ST6GALNAC3: variants seen among roughly 807,000 people sequenced by gnomAD.
The protein encoded by ST6GALNAC3 is ST6 N-acetylgalactosaminide alpha-2,6-sialyltransferase 3, also known as alpha-N-acetylgalactosaminide alpha-2,6-sialyltransferase 3.
In ST6GALNAC3, 25 loss-of-function variants were observed where a neutral mutation model predicts 32.7. The ratio of observed to expected loss-of-function variants is 0.76; its 90% CI spans 0.56 to 1.07. The LOEUF (loss-of-function observed/expected upper bound fraction) is 1.07. Among genes scored for constraint, ST6GALNAC3 ranks in the 50% least tolerant of loss-of-function variants. The probability of loss-of-function intolerance (pLI) is 0.00; values close to 1 mark genes in which losing one functional copy is unlikely to be tolerated. For missense variants in ST6GALNAC3, 355 were observed against 382.4 expected (o/e 0.93, Z 0.60); for synonymous variants, 129 against 133.1 (o/e 0.97, Z 0.21).
chr1:76,508,539 C>T (rs1030758222), intron 3 of ST6GALNAC3, among the ~76,000 whole-genome samples: 6 of 152,114 alleles, frequency 3.9e-5, no homozygotes, highest in Admixed American at 1.3e-4. Flanking sequence ...GTTTGAAGTT[C>T]GGCACCTGGG....
In ST6GALNAC3 at chr1:76,411,179, C is replaced by T. The variant is rs548812015; in HGVS notation, c.214-829C>T. 4.6e-5 allele frequency among the ~76,000 whole-genome samples: 7 copies of T among 152,220 alleles called. No homozygotes were observed. The South Asian group carries it at 6.2e-4, about 14-fold the overall frequency. ...TAGGAGAACTGAAAGCAAGGAATAA[C>T]GGAAAGGGCAGTGGGCTTAGAGTTA... On this transcript the variant is annotated intron_variant, in intron 2 of 4. Coordinates refer to ENST00000328299, the MANE Select transcript of ST6GALNAC3 (RefSeq NM_152996.4).
intron 3 of ST6GALNAC3, among the ~76,000 whole-genome samples, chr1:76,516,547 A>G (rs1302152239): frequency 6.6e-6 from 1 of 152,288 alleles, no homozygotes; most frequent in East Asian, 1.9e-4. Context: ...TGCATTTTAT[A>G]TTTTGATAGC....
chr1:76,193,071 T>C (rs1557686119), intron 1 of ST6GALNAC3, among the ~76,000 whole-genome samples: 2 of 152,190 alleles, frequency 1.3e-5, no homozygotes, highest in Admixed American at 6.5e-5. Context: ...ATATAAAAAC[T>C]AGAAACAAGC....
intron 3 of ST6GALNAC3, among the ~76,000 whole-genome samples, chr1:76,418,327 G>A (rs903898468): frequency 4.6e-5 from 7 of 152,058 alleles, no homozygotes; most frequent in Non-Finnish European, 7.4e-5. Context: ...CCTCTTGTAG[G>A]TCCCTCTGTC....
At chr1:76,428,624 G>A (rs1293579201) in intron 3 of ST6GALNAC3, among the ~76,000 whole-genome samples, 1 of 151,988 alleles carries the variant, frequency 6.6e-6, no homozygotes, top group Non-Finnish European at 1.5e-5. Context: ...CTTGGTCTCT[G>A]TGGACAGATT....
rs1570489494 is a variant in ST6GALNAC3 at position 76,629,040 on chromosome 1, C to T, written c.*234C>T. 1.6e-6 allele frequency: 2 copies of T among 1,272,718 alleles called. No individual in the cohort carries two copies. The highest frequency in any genetic ancestry group is 3.0e-4 in the Middle Eastern group (1 of 3,328). 78.8% of individuals were successfully genotyped at this position (1,272,718 alleles called of 1,614,324 possible). The stretch of plus-strand genomic sequence containing the variant: ...TGGAGGTTCAACACTACGTACCGCA[C>T]TTTATAATTTAACTGGAATTGAGAT... On this transcript the variant is annotated 3_prime_UTR_variant, in exon 5 of 5. Coordinates refer to ENST00000328299, the MANE Select transcript of ST6GALNAC3 (RefSeq NM_152996.4).
At chr1:76,123,182 G>A (rs56077995) in intron 1 of ST6GALNAC3, among the ~76,000 whole-genome samples, 9,674 of 152,096 alleles carry the variant, frequency 0.064, 1,044 homozygotes, top group African/African-American at 0.22. Context: ...GACCAGCCTG[G>A]CCAACAGGGT....
In ST6GALNAC3 at chr1:76,348,037, G is replaced by T. The variant is rs143387682; in HGVS notation, c.213+34038G>T. Among the ~76,000 whole-genome samples, 464 of 152,248 alleles carry T rather than the reference G, an allele frequency of 3.0e-3. 3 individuals are homozygous for T. Among genetic ancestry groups the T allele is most frequent in the African/African-American group, 0.01 (427 of 41,544 alleles). On this transcript the variant is annotated intron_variant, in intron 2 of 4. Transcript: ENST00000328299. ...TCCTCAGCAAACTCCGGTAGTAATTGCATAATACGACAACTGTTTTTCGTA... is the reference window on the plus strand; with the variant it reads ...TCCTCAGCAAACTCCGGTAGTAATTTCATAATACGACAACTGTTTTTCGTA...
At chr1:76,409,825 A>G (rs1213125470) in intron 2 of ST6GALNAC3, among the ~76,000 whole-genome samples, 1 of 152,144 alleles carries the variant, frequency 6.6e-6, no homozygotes, top group African/African-American at 2.4e-5. Context: ...GAATTTTTTA[A>G]ATCATTTTGT....
intron 2 of ST6GALNAC3, among the ~76,000 whole-genome samples, chr1:76,322,011 G>A (rs182344803): frequency 4.6e-5 from 7 of 152,128 alleles, no homozygotes; most frequent in Admixed American, 2.0e-4. Flanking sequence ...AAGATATACC[G>A]CAGTTTTATT....
intron 2 of ST6GALNAC3, among the ~76,000 whole-genome samples, chr1:76,341,605 T>TCTTCTTTCTTTCTTTCTTTC (rs1647975802): frequency 1.1e-5 from 1 of 91,186 alleles, no homozygotes; most frequent in Non-Finnish European, 2.2e-5. Context: ...TCCAAACTGC[T>TCTTCTTTCTTTCTTTCTTTC]TTTCTTTCTT....
At chr1:76,077,507 G>C (rs567327805) in intron 1 of ST6GALNAC3, among the ~76,000 whole-genome samples, 16 of 152,286 alleles carry the variant, frequency 1.1e-4, no homozygotes, top group Admixed American at 1.0e-3. Context: ...AGGCCTGAGA[G>C]TTTATAAAGC....
intron 3 of ST6GALNAC3, among the ~76,000 whole-genome samples, chr1:76,537,909 G>A (rs1663724214): frequency 6.6e-6 from 1 of 152,120 alleles, no homozygotes; most frequent in South Asian, 2.1e-4. Flanking sequence ...ACCATGACCA[G>A]ATGGATTCAC....
At chr1:76,139,296 A>G (rs1650161202) in intron 1 of ST6GALNAC3, among the ~76,000 whole-genome samples, 2 of 152,214 alleles carry the variant, frequency 1.3e-5, no homozygotes, top group Non-Finnish European at 2.9e-5. Context: ...ATTCACACAT[A>G]CATTCACAAC....
chr1:76,373,459 A>G (rs148230554), intron 2 of ST6GALNAC3, among the ~76,000 whole-genome samples: 1 of 152,150 alleles, frequency 6.6e-6, no homozygotes, highest in Non-Finnish European at 1.5e-5. Flanking sequence ...TTTTTGTTTT[A>G]CTTGTGCTAA....
intron 1 of ST6GALNAC3, among the ~76,000 whole-genome samples, chr1:76,193,263 T>C (rs72674492): frequency 0.084 from 12,769 of 152,180 alleles, 588 homozygotes; most frequent in African/African-American, 0.12. Flanking sequence ...CAGTCTACAT[T>C]GGGGACCCCC....
At chr1:76,448,953 A>C (rs1195884530) in intron 3 of ST6GALNAC3, among the ~76,000 whole-genome samples, 4 of 152,030 alleles carry the variant, frequency 2.6e-5, no homozygotes, top group Non-Finnish European at 2.9e-5. Context: ...CTCCTGCCTC[A>C]GCTTCCCGTG....
At chr1:76,369,922 A>T (rs902274748) in intron 2 of ST6GALNAC3, among the ~76,000 whole-genome samples, 6 of 152,216 alleles carry the variant, frequency 3.9e-5, no homozygotes, top group African/African-American at 1.4e-4. Flanking sequence ...TTCTCTATTC[A>T]AAGAGCTAGC....
intron 3 of ST6GALNAC3, among the ~76,000 whole-genome samples, chr1:76,555,878 A>G (rs980955835): frequency 6.6e-6 from 1 of 152,104 alleles, no homozygotes; most frequent in African/African-American, 2.4e-5. Flanking sequence ...GATTTATTAA[A>G]TATATTATTC....
Sources: gnomAD v4.1 joint callset for allele counts (sites outside exome capture counted in the v4.1 genomes callset) on GRCh38, gnomAD v4.1.1 for gene constraint, MANE v1.5 for transcripts, NCBI Gene and HGNC (gene_info 2026-07-23, HGNC 2026-07-21) for gene names.